SLC14A2: variants seen among roughly 807,000 people sequenced by gnomAD.
The protein encoded by SLC14A2 is urea transporter 2.
SLC14A2 carries 91 observed loss-of-function variants against 104.6 expected under a neutral mutation model. The ratio of observed to expected loss-of-function variants is 0.87; its 90% CI spans 0.73 to 1.04. The LOEUF is 1.04. Among genes scored for constraint, SLC14A2 ranks in the 50% least tolerant of loss-of-function variants. The pLI is 0.00. For synonymous variants in SLC14A2, 476 were observed against 466.4 expected (o/e 1.02, Z -0.27); for missense variants, 1,189 against 1,156.0 (o/e 1.03, Z -0.41).
rs895578292 is a variant in SLC14A2, at chr18:45,258,728, A to C, written c.-125+45537A>C. On this transcript the variant is annotated intron_variant, in intron 1 of 20. Transcript: ENST00000586448. ...TAACGTCATCCACGTGGTCCTTTGC[A>C]GTTTGTAAATGCTTTGACCAGTACT... Among the ~76,000 whole-genome samples, 7 of 134,842 alleles carry C rather than the reference A, an allele frequency of 5.2e-5. 1 individual carries two copies. The highest frequency in any genetic ancestry group is 2.1e-4 in the African/African-American group (7 of 33,142). 88.5% of individuals were successfully genotyped at this position (134,842 alleles called of 152,430 possible). A position where few individuals can be genotyped will look rare whatever the true frequency, so the allele number is the denominator to read the frequency against.
At chr18:45,563,792 G>A (rs978600190) in intron 2 of SLC14A2, among the ~76,000 whole-genome samples, 1 of 152,068 alleles carries the variant, frequency 6.6e-6, no homozygotes, top group Non-Finnish European at 1.5e-5. Context: ...ATCAAATTTT[G>A]TACTTTATTA....
the SLC14A2 span, among the ~76,000 whole-genome samples, chr18:45,182,439 G>A: frequency 6.6e-6 from 1 of 151,762 alleles, no homozygotes; most frequent in Non-Finnish European, 1.5e-5. Flanking sequence ...GTTAAAGACT[G>A]TAACTGATTT....
chr18:45,430,208 G>A (rs2086492206), intron 1 of SLC14A2, among the ~76,000 whole-genome samples: 1 of 152,208 alleles, frequency 6.6e-6, no homozygotes. Flanking sequence ...AATAATCTTT[G>A]AGAGTTAGGT....
chr18:45,233,200 A>T (rs2084192151), intron 1 of SLC14A2, among the ~76,000 whole-genome samples: 1 of 152,182 alleles, frequency 6.6e-6, no homozygotes, highest in African/African-American at 2.4e-5. Context: ...ACAGAACCTG[A>T]GTGAACATCT....
intron 2 of SLC14A2, among the ~76,000 whole-genome samples, chr18:45,526,635 T>C (rs1459027271): frequency 6.6e-6 from 1 of 152,056 alleles, no homozygotes; most frequent in Non-Finnish European, 1.5e-5. Flanking sequence ...TGAGGGATCA[T>C]AGGGTGTATA....
chr18:45,525,900 T>C (rs189534808), intron 2 of SLC14A2, among the ~76,000 whole-genome samples: 38 of 152,336 alleles, frequency 2.5e-4, no homozygotes, highest in African/African-American at 7.5e-4. Context: ...TGAGACATGA[T>C]GGAATTCCAG....
intron 1 of SLC14A2, among the ~76,000 whole-genome samples, chr18:45,287,698 TCCA>T (rs927822982): frequency 6.6e-6 from 1 of 152,220 alleles, no homozygotes; most frequent in African/African-American, 2.4e-5. Context: ...GTTGTGAACT[TCCA>T]CCTTCTCTGG....
intron 2 of SLC14A2, among the ~76,000 whole-genome samples, chr18:45,488,219 G>A (rs1289539396): frequency 1.3e-5 from 2 of 152,132 alleles, no homozygotes. Context: ...GATAACGTGA[G>A]CATGGCAGAA....
intron 2 of SLC14A2, among the ~76,000 whole-genome samples, chr18:45,553,162 G>C (rs765914129): frequency 8.5e-5 from 13 of 152,188 alleles, no homozygotes; most frequent in Non-Finnish European, 1.8e-4. Context: ...CCTAATAACA[G>C]TTACCATTTT....
intron 1 of SLC14A2, among the ~76,000 whole-genome samples, chr18:45,384,244 C>A: frequency 6.6e-6 from 1 of 152,120 alleles, no homozygotes; most frequent in East Asian, 1.9e-4. Flanking sequence ...GCCACACAGA[C>A]CCTCTCCTCT....
intron 2 of SLC14A2, among the ~76,000 whole-genome samples, chr18:45,547,169 C>T (rs2043984176): frequency 6.6e-6 from 1 of 151,918 alleles, no homozygotes; most frequent in Admixed American, 6.6e-5. Context: ...ATTTTGCTAT[C>T]TGAGCTAAAC....
intron 1 of SLC14A2, among the ~76,000 whole-genome samples, chr18:45,468,709 T>C (rs1234319304): frequency 1.3e-5 from 2 of 152,154 alleles, no homozygotes; most frequent in Non-Finnish European, 2.9e-5. Context: ...CACTCTAACC[T>C]GGAAGGGAAG....
intron 2 of SLC14A2, among the ~76,000 whole-genome samples, chr18:45,518,641 G>T (rs1252416582): frequency 7.1e-6 from 1 of 140,676 alleles, no homozygotes; most frequent in Non-Finnish European, 1.6e-5. Flanking sequence ...GGCTCAAACT[G>T]CTGGTGTCTG....
intron 1 of SLC14A2, among the ~76,000 whole-genome samples, chr18:45,274,775 C>T (rs1361452645): frequency 1.3e-5 from 2 of 152,200 alleles, no homozygotes; most frequent in Non-Finnish European, 2.9e-5. Context: ...CTGTGACTTC[C>T]TTGATAACTC....
intron 2 of SLC14A2, among the ~76,000 whole-genome samples, chr18:45,593,380 G>C (rs1310947067): frequency 3.3e-5 from 5 of 151,332 alleles, no homozygotes; most frequent in Admixed American, 6.6e-5. Context: ...ACGTAGGCTA[G>C]AGCTCTCCCA....
intron 1 of SLC14A2, among the ~76,000 whole-genome samples, chr18:45,433,548 C>T (rs1188566425): frequency 1.3e-5 from 2 of 152,200 alleles, no homozygotes; most frequent in East Asian, 1.9e-4. Context: ...TATTCTATCA[C>T]ACTTCTCCGC....
intron 1 of SLC14A2, among the ~76,000 whole-genome samples, chr18:45,619,144 C>T (rs2045123612): frequency 6.6e-6 from 1 of 152,208 alleles, no homozygotes; most frequent in Admixed American, 6.5e-5. Context: ...CTGGGACTTG[C>T]TTGCCCAAAC....
intron 2 of SLC14A2, among the ~76,000 whole-genome samples, chr18:45,498,084 TG>T: frequency 6.6e-6 from 1 of 152,084 alleles, no homozygotes; most frequent in East Asian, 1.9e-4. Flanking sequence ...AGAAACAACA[TG>T]GAAGTCCATT....
chr18:45,334,437 G>A (rs895482090), intron 1 of SLC14A2, among the ~76,000 whole-genome samples: 1 of 152,152 alleles, frequency 6.6e-6, no homozygotes, highest in African/African-American at 2.4e-5. Context: ...GAAACTTCCT[G>A]TACTACAGTG....
Sources: allele counts gnomAD v4.1 joint callset (sites outside exome capture counted in the v4.1 genomes callset), GRCh38; gene constraint gnomAD v4.1.1; transcripts MANE v1.5; gene names NCBI Gene and HGNC (gene_info 2026-07-23, HGNC 2026-07-21).